Variants in PEX7 observed in about 807,000 individuals in gnomAD.
PEX7 encodes the protein PTS2 receptor.
A neutral mutation model predicts 47.5 loss-of-function variants in PEX7; 34 were observed. The observed-to-expected ratio is 0.72, with a 90% CI of 0.54 to 0.95. The LOEUF (loss-of-function observed/expected upper bound fraction) is 0.95. Among genes scored for constraint, PEX7 ranks in the 40% least tolerant of loss-of-function variants. The probability of loss-of-function intolerance (pLI) is 0.00; values close to 1 mark genes in which losing one functional copy is unlikely to be tolerated. For synonymous variants in PEX7, 141 were observed against 148.8 expected, an observed-to-expected ratio of 0.95 and a Z score of 0.38; for missense variants, 394 against 400.3, an observed-to-expected ratio of 0.98 and a Z score of 0.13.
intron 8 of PEX7, among the ~76,000 whole-genome samples, chr6:136,873,813 TC>T (rs1775221460): frequency 1.3e-5 from 2 of 152,190 alleles, no homozygotes; most frequent in African/African-American, 4.8e-5. Context: ...ATTCCTATTT[TC>T]TTGAGTTTTT....
chr6:136,876,739 T>C (rs147050238), intron 8 of PEX7, among the ~76,000 whole-genome samples: 205 of 152,386 alleles, frequency 1.3e-3, no homozygotes, highest in Non-Finnish European at 2.1e-3. Flanking sequence ...AGCCTATCAT[T>C]GATGGGCATT....
chr6:136,825,968 ACT>A (rs1423892664), intron 2 of PEX7, among the ~76,000 whole-genome samples: 1 of 151,914 alleles, frequency 6.6e-6, no homozygotes, highest in Non-Finnish European at 1.5e-5. Flanking sequence ...ACAGAACAAG[ACT>A]CTTTCTCTCA....
intron 5 of PEX7, among the ~76,000 whole-genome samples, chr6:136,856,291 TAAAAAAA>T (rs397759780): frequency 5.2e-4 from 37 of 70,586 alleles, no homozygotes; most frequent in Non-Finnish European, 1.0e-3. Context: ...TGGTTGAAAG[TAAAAAAA>T]AAAAAAAAAA....
At chr6:136,848,122 TCA>T (rs1774663146) in intron 5 of PEX7, among the ~76,000 whole-genome samples, 1 of 152,146 alleles carries the variant, frequency 6.6e-6, no homozygotes, top group African/African-American at 2.4e-5. Flanking sequence ...GAATGGGAGT[TCA>T]CTCATGATTT....
intron 5 of PEX7, among the ~76,000 whole-genome samples, chr6:136,861,458 T>TGCTATA (rs1375096197): frequency 1.3e-5 from 2 of 152,208 alleles, no homozygotes; most frequent in Admixed American, 6.5e-5. Context: ...CTTGAGACAA[T>TGCTATA]GCTATAGCTA....
chr6:136,905,631 C>G (rs1230543542), intron 9 of PEX7, among the ~76,000 whole-genome samples: 2 of 152,168 alleles, frequency 1.3e-5, no homozygotes, highest in African/African-American at 4.8e-5. Context: ...ACCTCTTCTT[C>G]CTTACCTCTT....
At chr6:136,911,891 A>G (rs376364490) in intron 9 of PEX7, among the ~76,000 whole-genome samples, 7 of 152,346 alleles carry the variant, frequency 4.6e-5, no homozygotes, top group South Asian at 2.1e-4. Context: ...TGGTGGTACC[A>G]TATACCTTCC....
intron 5 of PEX7, among the ~76,000 whole-genome samples, chr6:136,856,560 C>T (rs943482058): frequency 1.3e-5 from 2 of 151,564 alleles, no homozygotes; most frequent in African/African-American, 4.9e-5. Context: ...GACATCCAGA[C>T]TGTTTCATTT....
intron 3 of PEX7, among the ~76,000 whole-genome samples, chr6:136,839,922 T>C (rs1774464530): frequency 6.6e-6 from 1 of 152,074 alleles, no homozygotes; most frequent in Non-Finnish European, 1.5e-5. Flanking sequence ...GCGCTGTGAA[T>C]GTATGCAGTG....
intron 8 of PEX7, among the ~76,000 whole-genome samples, chr6:136,874,061 A>T (rs962407690): frequency 6.6e-6 from 1 of 152,190 alleles, no homozygotes; most frequent in Non-Finnish European, 1.5e-5. Context: ...TTCAAAGGTG[A>T]TATTAGTTGC....
At chr6:136,910,234 T>G (rs1440005835) in intron 9 of PEX7, among the ~76,000 whole-genome samples, 1 of 152,208 alleles carries the variant, frequency 6.6e-6, no homozygotes, top group Non-Finnish European at 1.5e-5. Flanking sequence ...TATGTTCTAA[T>G]AAGACATGGT....
rs143773470 is a variant in PEX7, at chr6:136,858,027, G to A, written c.527-8600G>A. On this transcript the variant is annotated intron_variant, in intron 5 of 9. Transcript: ENST00000318471. ...GACAGGGTTTCACCATGTTGCCCAG[G>A]CTGGTCTAGAACTCCTGGGCTCAAG... Among the ~76,000 whole-genome samples the A allele has an allele frequency of 3.3e-5, 5 of 152,206 alleles. No individual in the cohort carries two copies. The East Asian group carries it at 7.7e-4, about 24-fold the overall frequency.
chr6:136,888,172 C>T (rs1410033431), intron 8 of PEX7, among the ~76,000 whole-genome samples: 2 of 151,908 alleles, frequency 1.3e-5, no homozygotes, highest in Non-Finnish European at 2.9e-5. Flanking sequence ...GCCTAGTCCC[C>T]GTTACCAACA....
intron 5 of PEX7, among the ~76,000 whole-genome samples, chr6:136,854,801 C>T (rs1177531082): frequency 6.6e-6 from 1 of 152,128 alleles, no homozygotes; most frequent in Non-Finnish European, 1.5e-5. Context: ...CAAAAATGAA[C>T]TGAGGCCAGG....
chr6:136,876,430 G>A (rs1255907390), intron 8 of PEX7, among the ~76,000 whole-genome samples: 7 of 152,062 alleles, frequency 4.6e-5, no homozygotes, highest in Non-Finnish European at 1.0e-4. Context: ...ATGGTGGTTT[G>A]GTGCACCCAT....
At chr6:136,826,594 C>A in intron 3 of PEX7, 125 bp downstream of exon 3, 2 of 1,066,538 alleles carry the variant, frequency 1.9e-6, no homozygotes, top group Non-Finnish European at 2.8e-6. Context: ...ATTTCTTATA[C>A]ATACTAGATG....
intron 3 of PEX7, among the ~76,000 whole-genome samples, chr6:136,828,128 T>C (rs1774230616): frequency 6.6e-6 from 1 of 152,212 alleles, no homozygotes; most frequent in African/African-American, 2.4e-5. Context: ...TTAATGTTTT[T>C]CTTTCAATCA....
chr6:136,871,127 A>C (rs867474657), intron 7 of PEX7, among the ~76,000 whole-genome samples: 35 of 152,330 alleles, frequency 2.3e-4, no homozygotes, highest in Middle Eastern at 6.8e-3. Context: ...CAGTTGAAAA[A>C]TATGCTCTAT....
intron 5 of PEX7, among the ~76,000 whole-genome samples, chr6:136,859,436 C>G (rs552425834): frequency 6.6e-6 from 1 of 151,936 alleles, no homozygotes; most frequent in Non-Finnish European, 1.5e-5. Context: ...TTATTGCTGT[C>G]ACAGACTCCA....
Sources: gnomAD v4.1 joint callset for allele counts (sites outside exome capture counted in the v4.1 genomes callset) on GRCh38, gnomAD v4.1.1 for gene constraint, MANE v1.5 for transcripts, NCBI Gene and HGNC (gene_info 2026-07-23, HGNC 2026-07-21) for gene names.